TENM3: variants seen among roughly 807,000 people sequenced by gnomAD.
TENM3 encodes teneurin transmembrane protein 3, also known as teneurin-3.
A neutral mutation model predicts 255.1 loss-of-function variants in TENM3; 63 were observed. The observed-to-expected ratio is 0.25, with a 90% CI of 0.20 to 0.30. The LOEUF is 0.30. Among genes scored for constraint, TENM3 ranks in the 10% least tolerant of loss-of-function variants. TENM3 has a pLI of 1.00. For missense variants in TENM3, 2,929 were observed against 3,461.1 expected (o/e 0.85, Z 3.86); for synonymous variants, 1,306 against 1,322.3 (o/e 0.99, Z 0.27).
intron 3 of TENM3, among the ~76,000 whole-genome samples, chr4:182,589,359 A>G (rs7684749): frequency 0.16 from 24,535 of 152,010 alleles, 2,089 homozygotes; most frequent in Non-Finnish European, 0.18. Context: ...TTTAATTTCA[A>G]TGACTACATT....
the TENM3 span, among the ~76,000 whole-genome samples, chr4:181,923,383 T>C: frequency 6.6e-6 from 1 of 152,154 alleles, no homozygotes; most frequent in African/African-American, 2.4e-5. Flanking sequence ...CTTTAGAGTT[T>C]GGACATCATA....
At chr4:181,803,392 A>C in the TENM3 span, among the ~76,000 whole-genome samples, 1 of 152,348 alleles carries the variant, frequency 6.6e-6, no homozygotes, top group East Asian at 1.9e-4. Context: ...TATTAGATGC[A>C]TATCTACCCA....
the TENM3 span, among the ~76,000 whole-genome samples, chr4:182,019,888 A>G: frequency 6.6e-6 from 1 of 151,152 alleles, no homozygotes; most frequent in African/African-American, 2.4e-5. Context: ...CTGGTCTCAA[A>G]CTCCTGAGTT....
At position 182,719,252 on chromosome 4, in the gene TENM3, CTTTTTTTTTTTTTT is replaced by C. The variant is rs11348241; in HGVS notation, c.2368+5033_2368+5046del. On this transcript the variant is annotated intron_variant, in intron 13 of 27. Transcript: ENST00000511685. ...AGTAAAATAGAGTTCTTTTTTTTTT[CTTTTTTTTTTTTTT>C]TTTTTTTTTTTTTGAGACGGAGTCT... is the stretch of plus-strand genomic sequence containing the variant. Among the ~76,000 whole-genome samples, 2 of 80,822 alleles carry C rather than the reference CTTTTTTTTTTTTTT, an allele frequency of 2.5e-5. 1 individual carries two copies. The allele number at this position is 80,822 out of a possible 152,430, so 53.0% of individuals were successfully genotyped here. A position where few individuals can be genotyped will look rare whatever the true frequency, so the allele number is the denominator to read the frequency against.
intron 3 of TENM3, among the ~76,000 whole-genome samples, chr4:182,351,959 C>A (rs1316226379): frequency 2.6e-5 from 4 of 151,964 alleles, no homozygotes; most frequent in Non-Finnish European, 5.9e-5. Flanking sequence ...AGTGTGTGCC[C>A]TTATTATTAT....
intron 6 of TENM3, among the ~76,000 whole-genome samples, chr4:182,662,315 G>C (rs1031154296): frequency 3.9e-5 from 6 of 152,124 alleles, no homozygotes; most frequent in Admixed American, 3.9e-4. Context: ...GTTAGTAGGT[G>C]AAAAGACTGC....
At position 182,628,728 on chromosome 4, in the gene TENM3, G is replaced by C. The variant is rs1277406789; in HGVS notation, c.827G>C (p.Gly276Ala). The C allele has an allele frequency of 6.2e-7, 1 of 1,609,154 alleles. No homozygotes were observed. The highest frequency in any genetic ancestry group is 2.2e-5 in the East Asian group (1 of 44,754). The change falls in exon 5 of 28, where the codon GGC becomes GCC. Residue 276 changes from glycine to alanine, a missense_variant. By Grantham distance (60) the Gly-to-Ala change is moderately conservative. Coordinates refer to ENST00000511685, the MANE Select transcript of TENM3 (RefSeq NM_001080477.4). ...ACCCCAGGATACACAATGGCATCTGGCTCTGTTTATTCACCACCTACTCGG... is the reference window on the plus strand; with the variant it reads ...ACCCCAGGATACACAATGGCATCTGCCTCTGTTTATTCACCACCTACTCGG... ...TATPGYTMAS[G>A]SVYSPPTRPL...
the TENM3 span, among the ~76,000 whole-genome samples, chr4:181,805,116 G>A: frequency 1.5e-4 from 23 of 152,266 alleles, no homozygotes; most frequent in South Asian, 4.1e-3. Flanking sequence ...GCTCCACAGA[G>A]TTATTTGCAA....
chr4:182,550,992 G>A (rs1741943648), intron 3 of TENM3, among the ~76,000 whole-genome samples: 1 of 152,086 alleles, frequency 6.6e-6, no homozygotes, highest in African/African-American at 2.4e-5. Context: ...AGGCCAAGAT[G>A]GGTGGATCAC....
chr4:181,593,120 T>A, the TENM3 span, among the ~76,000 whole-genome samples: 1 of 152,220 alleles, frequency 6.6e-6, no homozygotes, highest in East Asian at 1.9e-4. Flanking sequence ...GTTTACACAT[T>A]TCCAGTTATG....
At chr4:181,523,431 A>T in the TENM3 span, among the ~76,000 whole-genome samples, 1 of 148,170 alleles carries the variant, frequency 6.7e-6, no homozygotes, top group Non-Finnish European at 1.5e-5. Context: ...AAAAAAAAAA[A>T]AAGTTTTCCA....
At chr4:181,856,023 A>C in the TENM3 span, among the ~76,000 whole-genome samples, 1 of 53,604 alleles carries the variant, frequency 1.9e-5, no homozygotes, top group African/African-American at 4.0e-5. Flanking sequence ...AAGGGAAAGA[A>C]GGAAGGAAAG....
the TENM3 span, among the ~76,000 whole-genome samples, chr4:181,916,803 G>C: frequency 1.3e-5 from 2 of 152,222 alleles, no homozygotes; most frequent in African/African-American, 4.8e-5. Flanking sequence ...TTTGAACCTG[G>C]GAGGCAGAGG....
chr4:181,640,217 G>A, the TENM3 span, among the ~76,000 whole-genome samples: 1 of 152,150 alleles, frequency 6.6e-6, no homozygotes, highest in African/African-American at 2.4e-5. Flanking sequence ...CAGACCTACT[G>A]AGCCTGAGAC....
At chr4:181,938,356 A>G in the TENM3 span, among the ~76,000 whole-genome samples, 3 of 152,228 alleles carry the variant, frequency 2.0e-5, no homozygotes, top group Admixed American at 1.3e-4. Context: ...TGTACTAATT[A>G]ATTCATCTCT....
chr4:181,639,412 T>C, the TENM3 span, among the ~76,000 whole-genome samples: 50 of 152,286 alleles, frequency 3.3e-4, no homozygotes, highest in African/African-American at 1.1e-3. Context: ...TGCAGCACTA[T>C]GTCACCATCA....
At chr4:182,258,698 A>G (rs1561252200) in intron 1 of TENM3, among the ~76,000 whole-genome samples, 1 of 152,154 alleles carries the variant, frequency 6.6e-6, no homozygotes, top group Non-Finnish European at 1.5e-5. Context: ...TAAAAAGCAA[A>G]TCTTTTGAGT....
At chr4:182,101,549 C>T in the TENM3 span, among the ~76,000 whole-genome samples, 6 of 151,976 alleles carry the variant, frequency 3.9e-5, no homozygotes, top group Non-Finnish European at 1.5e-5. Context: ...TTTACTTATA[C>T]GTGGAATCTT....
chr4:182,417,093 C>T (rs996667025), intron 3 of TENM3, among the ~76,000 whole-genome samples: 9 of 152,144 alleles, frequency 5.9e-5, no homozygotes, highest in Admixed American at 3.9e-4. Context: ...CCTGCCTCAG[C>T]CTCCCGAGTA....
Sources: allele counts gnomAD v4.1 joint callset (sites outside exome capture counted in the v4.1 genomes callset), GRCh38; gene constraint gnomAD v4.1.1; transcripts MANE v1.5; gene names NCBI Gene and HGNC (gene_info 2026-07-23, HGNC 2026-07-21).